NRG3: variants seen among roughly 807,000 people sequenced by gnomAD.
NRG3 encodes the protein pro-neuregulin-3, membrane-bound isoform.
NRG3 carries 31 observed loss-of-function variants against 66.9 expected under a neutral mutation model. The ratio of observed to expected loss-of-function variants is 0.46; its 90% CI spans 0.35 to 0.63. The LOEUF (loss-of-function observed/expected upper bound fraction) is 0.63. NRG3 is among the 20% of genes least tolerant of loss of function. The pLI is 0.00. For missense variants in NRG3, 910 were observed against 878.9 expected (o/e 1.04, Z -0.45); for synonymous variants, 393 against 359.4 (o/e 1.09, Z -1.06).
At chr10:82,969,798 C>T (rs750545531) in intron 6 of NRG3, among the ~76,000 whole-genome samples, 1 of 152,124 alleles carries the variant, frequency 6.6e-6, no homozygotes, top group Non-Finnish European at 1.5e-5. Context: ...AAATCTGCCT[C>T]CTAAGTAATT....
At chr10:82,943,594 T>G (rs1848753618) in intron 4 of NRG3, among the ~76,000 whole-genome samples, 1 of 152,218 alleles carries the variant, frequency 6.6e-6, no homozygotes, top group South Asian at 2.1e-4. Flanking sequence ...GATCAACATA[T>G]TTGCATTTTC....
At chr10:81,989,186 C>T (rs111732592) in intron 1 of NRG3, among the ~76,000 whole-genome samples, 241 of 152,134 alleles carry the variant, frequency 1.6e-3, no homozygotes, top group African/African-American at 5.5e-3. Context: ...TGGGAGACTT[C>T]GAGTACGGAG....
At chr10:82,121,572 C>T (rs573811704) in intron 1 of NRG3, among the ~76,000 whole-genome samples, 19 of 152,174 alleles carry the variant, frequency 1.2e-4, no homozygotes, top group East Asian at 5.8e-4. Flanking sequence ...AACATTGCAT[C>T]GTTTGAACTT....
At chr10:82,690,256 C>T (rs2054820499) in intron 2 of NRG3, among the ~76,000 whole-genome samples, 1 of 147,272 alleles carries the variant, frequency 6.8e-6, no homozygotes. Flanking sequence ...GAGTGTTTTT[C>T]TTAAACTTAG....
chr10:81,932,469 G>GT (rs1453878228), intron 1 of NRG3, among the ~76,000 whole-genome samples: 1 of 152,094 alleles, frequency 6.6e-6, no homozygotes, highest in Non-Finnish European at 1.5e-5. Context: ...CTTGACATAG[G>GT]TAAGAAGTAA....
At chr10:82,382,315 A>G (rs1056050011) in intron 2 of NRG3, among the ~76,000 whole-genome samples, 2 of 151,890 alleles carry the variant, frequency 1.3e-5, no homozygotes, top group Non-Finnish European at 1.5e-5. Context: ...AAATGTTTTT[A>G]TAATACTTCC....
At chr10:82,031,858 T>G (rs2062584160) in intron 1 of NRG3, among the ~76,000 whole-genome samples, 1 of 152,096 alleles carries the variant, frequency 6.6e-6, no homozygotes, top group Non-Finnish European at 1.5e-5. Flanking sequence ...CTTTGGCCAT[T>G]TCTATGGATG....
At chr10:82,065,845 C>A (rs573930733) in intron 1 of NRG3, among the ~76,000 whole-genome samples, 1 of 152,042 alleles carries the variant, frequency 6.6e-6, no homozygotes. Context: ...ATTATCTGTT[C>A]AAGAATTTGT....
At position 82,985,641 on chromosome 10, in the gene NRG3, C is replaced by T. The variant is rs771427580; in HGVS notation, c.*36C>T. On this transcript the variant is annotated 3_prime_UTR_variant, in exon 9 of 9. Transcript: ENST00000372141. ...AGGAATCTGTGCATTCTATGCTTTG[C>T]TCAACAGGAAAGAGAGGAAATCAAA... 3 of 1,575,882 alleles carry T rather than the reference C, an allele frequency of 1.9e-6. No homozygotes were observed. Among genetic ancestry groups the T allele is most frequent in the Non-Finnish European group, 1.7e-6 (2 of 1,167,150 alleles).
rs554723019 is a variant in NRG3, at chr10:82,836,576, CT to C, written c.1028-28827del. Among the ~76,000 whole-genome samples, 28 of 151,744 alleles carry C rather than the reference CT, an allele frequency of 1.8e-4. No individual in the cohort carries two copies. In the South Asian group the frequency reaches 4.2e-3, roughly 23 times the overall value. On this transcript the variant is annotated intron_variant, in intron 3 of 8. Transcript: ENST00000372141. ...CTTTAGCGTTGACCATTGTTATTTT[CT>C]TTTTTTTAATTATTTCTATAGCATT...
chr10:81,940,352 C>CT (rs1174143455), intron 1 of NRG3, among the ~76,000 whole-genome samples: 1 of 151,730 alleles, frequency 6.6e-6, no homozygotes, highest in Non-Finnish European at 1.5e-5. Context: ...AATGAGTTGT[C>CT]TTTTTTGTTT....
chr10:82,218,150 T>C (rs1224684920), intron 1 of NRG3, among the ~76,000 whole-genome samples: 1 of 152,202 alleles, frequency 6.6e-6, no homozygotes, highest in Non-Finnish European at 1.5e-5. Context: ...ACCTATTCTA[T>C]TCCATGCAAA....
chr10:82,123,305 C>T (rs1477369840), intron 1 of NRG3, among the ~76,000 whole-genome samples: 1 of 152,094 alleles, frequency 6.6e-6, no homozygotes, highest in African/African-American at 2.4e-5. Flanking sequence ...ATTTGACCTC[C>T]AAAATAGAAT....
At chr10:82,743,842 T>C (rs1242057249) in intron 3 of NRG3, among the ~76,000 whole-genome samples, 1 of 152,210 alleles carries the variant, frequency 6.6e-6, no homozygotes, top group Non-Finnish European at 1.5e-5. Context: ...AAAAGACCCA[T>C]GTTCTGTATT....
intron 1 of NRG3, among the ~76,000 whole-genome samples, chr10:82,114,671 A>G (rs1432813190): frequency 6.6e-6 from 1 of 152,128 alleles, no homozygotes; most frequent in Admixed American, 6.6e-5. Flanking sequence ...CTTCTGACTG[A>G]TATTTGGTCA....
chr10:82,484,055 G>A lies in NRG3; in HGVS notation c.953+125187G>A, dbSNP rs114107045. Among the ~76,000 whole-genome samples, 633 of 152,246 alleles carry A rather than the reference G, an allele frequency of 4.2e-3. 7 individuals carry two copies. Among genetic ancestry groups the A allele is most frequent in the African/African-American group, 0.015 (604 of 41,542 alleles). On this transcript the variant is annotated intron_variant, in intron 2 of 8. Coordinates refer to ENST00000372141, the MANE Select transcript of NRG3 (RefSeq NM_001010848.4). ...TGTATTTGAATCTGTAAACAGACAC[G>A]CTGGTTTTTTCTATAATGGCTTATT... is the stretch of plus-strand genomic sequence containing the variant.
intron 1 of NRG3, among the ~76,000 whole-genome samples, chr10:82,241,383 G>A (rs1215972246): frequency 6.6e-6 from 1 of 152,006 alleles, no homozygotes; most frequent in East Asian, 1.9e-4. Context: ...ATATCTGACA[G>A]TATACAAGGG....
intron 2 of NRG3, among the ~76,000 whole-genome samples, chr10:82,366,332 C>A (rs1029473453): frequency 3.9e-5 from 6 of 152,076 alleles, no homozygotes; most frequent in Admixed American, 3.9e-4. Flanking sequence ...AGAAATTGTA[C>A]CAGTATCATC....
chr10:82,865,147 T>C (rs983603497), intron 3 of NRG3, among the ~76,000 whole-genome samples: 2 of 152,226 alleles, frequency 1.3e-5, no homozygotes, highest in Non-Finnish European at 2.9e-5. Context: ...TACTTAGCAT[T>C]CTTCATGATG....
Sources: allele counts gnomAD v4.1 joint callset (sites outside exome capture counted in the v4.1 genomes callset), GRCh38; gene constraint gnomAD v4.1.1; transcripts MANE v1.5; gene names NCBI Gene and HGNC (gene_info 2026-07-23, HGNC 2026-07-21).